MTBP: variants seen among roughly 807,000 people sequenced by gnomAD.
MTBP encodes the protein MDM2 binding protein.
MTBP carries 101 observed loss-of-function variants against 117.0 expected under a neutral mutation model. That is an observed-to-expected ratio of 0.86 (90% CI 0.73 to 1.02). The LOEUF (loss-of-function observed/expected upper bound fraction) is 1.02, where lower values mean the gene tolerates loss of function less well. Ranked by LOEUF, MTBP falls within the 50% of genes least tolerant of loss-of-function variation. The probability of loss-of-function intolerance (pLI) is 0.00; values close to 1 mark genes in which losing one functional copy is unlikely to be tolerated. For missense variants in MTBP, 970 were observed against 1,030.9 expected, an observed-to-expected ratio of 0.94 and a Z score of 0.81; for synonymous variants, 350 against 351.5, an observed-to-expected ratio of 1.00 and a Z score of 0.05.
chr8:120,518,566 C>A, intron 19 of MTBP, 138 bp from the exon 20 acceptor site: 1 of 544,052 alleles, frequency 1.8e-6, no homozygotes, highest in Non-Finnish European at 3.2e-6. Context: ...TTTTCTCAAT[C>A]ATTTTGTCTT....
At chr8:120,481,409 T>G (rs930012919) in intron 11 of MTBP, among the ~76,000 whole-genome samples, 1 of 151,854 alleles carries the variant, frequency 6.6e-6, no homozygotes, top group Non-Finnish European at 1.5e-5. Flanking sequence ...AGCCAACACT[T>G]GGAAACTATG....
chr8:120,465,316 A>G (rs1299665738), intron 10 of MTBP, among the ~76,000 whole-genome samples: 1 of 152,212 alleles, frequency 6.6e-6, no homozygotes, highest in Non-Finnish European at 1.5e-5. Context: ...CATGTTTTTT[A>G]GAAAACTTGA....
chr8:120,496,855 CG>C (rs1242195575), intron 13 of MTBP, among the ~76,000 whole-genome samples: 1 of 152,220 alleles, frequency 6.6e-6, no homozygotes, highest in Non-Finnish European at 1.5e-5. Flanking sequence ...TTATACTCCT[CG>C]GTAGTGCCTC....
At chr8:120,474,967 A>C (rs952005882) in intron 11 of MTBP, among the ~76,000 whole-genome samples, 1 of 152,108 alleles carries the variant, frequency 6.6e-6, no homozygotes, top group African/African-American at 2.4e-5. Context: ...ATATTTGTAT[A>C]TGCATTAAGT....
intron 11 of MTBP, among the ~76,000 whole-genome samples, chr8:120,479,632 A>G (rs1314264494): frequency 6.6e-6 from 1 of 152,196 alleles, no homozygotes; most frequent in South Asian, 2.1e-4. Context: ...GGATAGAAAT[A>G]ATACACACGA....
chr8:120,446,302 C>T lies in MTBP; in HGVS notation c.119-131C>T, dbSNP rs112862575. On this transcript the variant is annotated intron_variant, in intron 1 of 21. Transcript: ENST00000305949. Reference sequence around the variant, plus strand: ...TAGATTTTCTGTATCAAAACTTGAACAGATCTTGAGCAGCGTTTAGTACTT... The same window carrying T: ...TAGATTTTCTGTATCAAAACTTGAATAGATCTTGAGCAGCGTTTAGTACTT... 1.9e-4 allele frequency: 119 copies of T among 628,494 alleles called. No individual in the cohort carries two copies. The Middle Eastern group carries it at 4.0e-3, about 21-fold the overall frequency. The allele number at this position is 628,494 out of a possible 1,614,324, so 38.9% of individuals were successfully genotyped here. A position where few individuals can be genotyped will look rare whatever the true frequency, so the allele number is the denominator to read the frequency against.
chr8:120,447,241 G>A lies in MTBP; in HGVS notation c.199+728G>A, dbSNP rs560573534. On this transcript the variant is annotated intron_variant, in intron 2 of 21. Transcript: ENST00000305949. ...TCCTTTTGATAATTTTGTAGTTCCCGTGACTGTACAATCTGCACCTTTCTC... is the reference window on the plus strand; with the variant it reads ...TCCTTTTGATAATTTTGTAGTTCCCATGACTGTACAATCTGCACCTTTCTC... Among the ~76,000 whole-genome samples the A allele has an allele frequency of 2.2e-4, 33 of 151,634 alleles. 1 individual carries two copies. Among genetic ancestry groups the A allele is most frequent in the African/African-American group, 7.3e-4 (30 of 41,338 alleles).
At chr8:120,480,471 T>C (rs1814055498) in intron 11 of MTBP, among the ~76,000 whole-genome samples, 1 of 151,872 alleles carries the variant, frequency 6.6e-6, no homozygotes, top group Non-Finnish European at 1.5e-5. Context: ...GCAAAGCAAC[T>C]AGAATGGCCA....
At chr8:120,477,097 A>G (rs955706213) in intron 11 of MTBP, among the ~76,000 whole-genome samples, 1 of 152,166 alleles carries the variant, frequency 6.6e-6, no homozygotes, top group Non-Finnish European at 1.5e-5. Context: ...AAATAACGCC[A>G]CACATCTACA....
At chr8:120,446,395 C>T (rs761581105) in intron 1 of MTBP, 38 bp from the exon 2 acceptor site, 1 of 1,255,834 alleles carries the variant, frequency 8.0e-7, no homozygotes, top group Non-Finnish European at 1.2e-6. Context: ...TTATGTAAAT[C>T]TAGAGCCCTT....
At position 120,451,538 on chromosome 8, in the gene MTBP, A is replaced by T. The variant is rs377520042; in HGVS notation, c.425+216A>T. 126 of 452,392 alleles carry T rather than the reference A, an allele frequency of 2.8e-4. 1 individual carries two copies. Among genetic ancestry groups the T allele is most frequent in the African/African-American group, 2.3e-3 (115 of 50,356 alleles). The allele number at this position is 452,392 out of a possible 1,614,324, so 28.0% of individuals were successfully genotyped here. A position where few individuals can be genotyped will look rare whatever the true frequency, so the allele number is the denominator to read the frequency against. Reference sequence around the variant, plus strand: ...ATAATGTCAAGAATCATAAAAAGTGATATTTTAATAAACATGTTCCTTTCT... The same window carrying T: ...ATAATGTCAAGAATCATAAAAAGTGTTATTTTAATAAACATGTTCCTTTCT... On this transcript the variant is annotated intron_variant, in intron 4 of 21. Transcript: ENST00000305949.
intron 11 of MTBP, among the ~76,000 whole-genome samples, chr8:120,484,246 T>TGGTTTGC (rs1814162019): frequency 6.6e-6 from 1 of 152,318 alleles, no homozygotes; most frequent in African/African-American, 2.4e-5. Context: ...CCTTAATTTC[T>TGGTTTGC]AATAAAACTG....
At chr8:120,501,329 T>G (rs1250058207) in intron 14 of MTBP, among the ~76,000 whole-genome samples, 1 of 151,998 alleles carries the variant, frequency 6.6e-6, no homozygotes, top group Admixed American at 6.6e-5. Context: ...GCCAGTGCAC[T>G]CCAGCCTGGG....
In MTBP at chr8:120,461,156, T is replaced by C. The variant is rs945535023; in HGVS notation, c.883-5T>C. ...AATATTACACAATTTTAATTTCTTT[T>C]CTAGGTTTTCCATTATTATGGCCCT... is the stretch of plus-strand genomic sequence containing the variant. On this transcript the variant is annotated splice_polypyrimidine_tract_variant and splice_region_variant and intron_variant, in intron 8 of 21. Transcript: ENST00000305949. The C allele has an allele frequency of 1.3e-6, 2 of 1,552,602 alleles. No individual in the cohort carries two copies. The highest frequency in any genetic ancestry group is 1.8e-6 in the Non-Finnish European group (2 of 1,126,554).
intron 11 of MTBP, among the ~76,000 whole-genome samples, chr8:120,479,380 A>T (rs934361692): frequency 6.6e-6 from 1 of 152,218 alleles, no homozygotes; most frequent in African/African-American, 2.4e-5. Context: ...AGGATTTTGA[A>T]AGAAATTTTA....
At chr8:120,482,994 C>T (rs956070736) in intron 11 of MTBP, among the ~76,000 whole-genome samples, 15 of 150,858 alleles carry the variant, frequency 9.9e-5, no homozygotes, top group Non-Finnish European at 2.1e-4. Flanking sequence ...CCACCGCACC[C>T]GGACAGTACT....
chr8:120,478,623 T>A (rs1563793795), intron 11 of MTBP, among the ~76,000 whole-genome samples: 1 of 152,222 alleles, frequency 6.6e-6, no homozygotes, highest in African/African-American at 2.4e-5. Context: ...TCTGATTGTT[T>A]TGTTGACTAA....
intron 11 of MTBP, among the ~76,000 whole-genome samples, chr8:120,474,266 T>TA (rs569503457): frequency 2.3e-4 from 34 of 150,236 alleles, no homozygotes; most frequent in African/African-American, 6.3e-4. Flanking sequence ...TAACAGTATT[T>TA]AAAAAAAAAA....
In MTBP at chr8:120,458,003, T is replaced by C. The variant is rs192490916; in HGVS notation, c.748-1212T>C. On this transcript the variant is annotated intron_variant, in intron 7 of 21. Transcript: ENST00000305949. ...CATAGCCAAGTGGAAGAGTGGAAGA[T>C]ACAGTTTGCTAGAATTGCTTTTGTA... Among the ~76,000 whole-genome samples the C allele has an allele frequency of 2.0e-3, 305 of 151,346 alleles. 1 individual carries two copies. The highest frequency in any genetic ancestry group is 6.8e-3 in the Middle Eastern group (2 of 292).
Sources: gnomAD v4.1 joint callset for allele counts (sites outside exome capture counted in the v4.1 genomes callset) on GRCh38, gnomAD v4.1.1 for gene constraint, MANE v1.5 for transcripts, NCBI Gene and HGNC (gene_info 2026-07-23, HGNC 2026-07-21) for gene names.